The following VAMP7 variants were observed in gnomAD, a reference collection of about 807,000 sequenced individuals.
VAMP7 encodes the protein vesicle-associated membrane protein 7.
In VAMP7, 14 loss-of-function variants were observed where a neutral mutation model predicts 29.6. That is an observed-to-expected ratio of 0.47 (90% CI 0.31 to 0.74). The LOEUF is 0.74. VAMP7 is among the 30% of genes least tolerant of loss of function. The pLI is 0.05. For synonymous variants in VAMP7, 95 were observed against 88.1 expected (o/e 1.08, Z -0.44); for missense variants, 223 against 262.4 (o/e 0.85, Z 1.04).
At chrX:155,922,016 G>T (rs767798489) in intron 6 of VAMP7, among the ~76,000 whole-genome samples, 1 of 152,012 alleles carries the variant, frequency 6.6e-6, no homozygotes, top group South Asian at 2.1e-4. Context: ...TGGTGTACAG[G>T]TCTTGCACAT....
chrX:155,884,479 CA>C (rs1362028542), intron 1 of VAMP7, among the ~76,000 whole-genome samples: 3 of 152,152 alleles, frequency 2.0e-5, no homozygotes, highest in Non-Finnish European at 2.9e-5. Flanking sequence ...ATCATTACTG[CA>C]AAAGACAAAT....
chrX:155,910,523 A>C (rs1182069392), intron 5 of VAMP7, among the ~76,000 whole-genome samples: 1 of 151,672 alleles, frequency 6.6e-6, no homozygotes, highest in African/African-American at 2.4e-5. Context: ...TTTTTGGGGA[A>C]ATCTCCACAC....
rs974391963 is a variant in VAMP7, at chrX:155,900,647, G to A, written c.433+60G>A. The A allele has an allele frequency of 4.8e-6, 7 of 1,445,144 alleles. No individual in the cohort carries two copies. In the African/African-American group the frequency reaches 9.9e-5, roughly 20 times the overall value. 89.5% of individuals were successfully genotyped at this position (1,445,144 alleles called of 1,614,324 possible). A position where few individuals can be genotyped will look rare whatever the true frequency, so the allele number is the denominator to read the frequency against. On this transcript the variant is annotated intron_variant, in intron 5 of 7. Transcript: ENST00000286448. ...AAAAATGATAAAGATTACTTGACTGGGGTCAAATTATTCTAGAGAAGCCAA... is the reference window on the plus strand; with the variant it reads ...AAAAATGATAAAGATTACTTGACTGAGGTCAAATTATTCTAGAGAAGCCAA...
chrX:155,902,143 G>A (rs1438048274), intron 5 of VAMP7, among the ~76,000 whole-genome samples: 5 of 152,070 alleles, frequency 3.3e-5, no homozygotes, highest in African/African-American at 1.2e-4. Flanking sequence ...AACTGTGAAT[G>A]GGAGTTCACT....
intron 1 of VAMP7, among the ~76,000 whole-genome samples, chrX:155,882,741 C>T (rs2065818275): frequency 6.6e-6 from 1 of 152,110 alleles, no homozygotes; most frequent in African/African-American, 2.4e-5. Flanking sequence ...AGTTATCTAC[C>T]ATTTATAGTA....
chrX:155,936,697 C>T (rs1214626136), intron 6 of VAMP7, among the ~76,000 whole-genome samples: 8 of 152,132 alleles, frequency 5.3e-5, no homozygotes, highest in Non-Finnish European at 2.9e-5. Context: ...GTGGGCTGCA[C>T]CCACTGTCCA....
intron 2 of VAMP7, among the ~76,000 whole-genome samples, chrX:155,890,121 C>A (rs1248259438): frequency 6.6e-6 from 1 of 151,800 alleles, no homozygotes; most frequent in Non-Finnish European, 1.5e-5. Flanking sequence ...GTAGAAGGAA[C>A]AGCAGGTAGA....
rs1485732904 is a variant in VAMP7, at chrX:155,941,865, C to T, written c.595-18C>T. On this transcript the variant is annotated intron_variant, in intron 7 of 7. Coordinates refer to ENST00000286448, the MANE Select transcript of VAMP7 (RefSeq NM_005638.6). The stretch of plus-strand genomic sequence containing the variant: ...TGATTGATTCAAGAAAATAAAATTG[C>T]TCTCCTCGTCCCTCCAGGTGTTCAT... 4 of 1,608,952 alleles carry T rather than the reference C, an allele frequency of 2.5e-6. No individual in the cohort carries two copies. Among genetic ancestry groups the T allele is most frequent in the Non-Finnish European group, 3.4e-6 (4 of 1,177,924 alleles).
Position 155,889,546 on chromosome X carries a change from A to C in VAMP7, c.80A>C (p.Glu27Ala). The C allele has an allele frequency of 6.2e-7, 1 of 1,613,882 alleles. No individual in the cohort carries two copies. The highest frequency in any genetic ancestry group is 1.3e-5 in the African/African-American group (1 of 75,004). The stretch of plus-strand genomic sequence containing the variant: ...GCTTGGTGTGGAGGAAACTTCCTGG[A>C]GGTGACAGAGCAGATTCTGGCTAAG... ...KHAWCGGNFL[E>A]VTEQILAKIP... is the part of the protein sequence containing the mutation. Residue 27 changes from glutamate to alanine, a missense_variant, in exon 2 of 8, where the codon GAG (glutamate) becomes GCG (alanine). Physicochemically the swap from Glu to Ala is moderately radical, Grantham distance 107. Coordinates refer to ENST00000286448, the MANE Select transcript of VAMP7 (RefSeq NM_005638.6).
intron 6 of VAMP7, among the ~76,000 whole-genome samples, chrX:155,924,104 G>A (rs896635916): frequency 8.6e-5 from 13 of 151,970 alleles, no homozygotes; most frequent in Middle Eastern, 3.4e-3. Context: ...TTTATTTGCC[G>A]CATCCCTGTC....
At chrX:155,897,835 A>G (rs2066006586) in intron 3 of VAMP7, among the ~76,000 whole-genome samples, 1 of 152,144 alleles carries the variant, frequency 6.6e-6, no homozygotes, top group Non-Finnish European at 1.5e-5. Flanking sequence ...TGATGTCAAG[A>G]AGTTGATAAC....
Position 155,942,680 on chromosome X carries a change from G to A in VAMP7, c.*729G>A, listed in dbSNP as rs1306569246. ...AGAAGATGAAGGTTTAAATATTGTT[G>A]AAAGTTGCAGTTTTTTAAATGTGTT... On this transcript the variant is annotated 3_prime_UTR_variant, in exon 8 of 8. Coordinates refer to ENST00000286448, the MANE Select transcript of VAMP7 (RefSeq NM_005638.6). 1 of 153,368 alleles carries A rather than the reference G, an allele frequency of 6.5e-6. No individual in the cohort carries two copies. Among genetic ancestry groups the A allele is most frequent in the African/African-American group, 2.4e-5 (1 of 41,418 alleles). The allele number at this position is 153,368 out of a possible 1,614,324, so 9.5% of individuals were successfully genotyped here.
rs754759278 is a variant in VAMP7 at position 155,921,614 on chromosome X, G to T, written c.501+1734G>T. ...CAAATCTACCACAATTTGTTTATCC[G>T]TTCTTCTCTGTGGGGCTTTATTTCT... On this transcript the variant is annotated intron_variant, in intron 6 of 7. Transcript: ENST00000286448. Among the ~76,000 whole-genome samples the T allele has an allele frequency of 4.6e-5, 7 of 151,136 alleles. No individual in the cohort carries two copies. The South Asian group carries it at 1.5e-3, about 32-fold the overall frequency.
At chrX:155,910,500 G>A (rs1476588985) in intron 5 of VAMP7, among the ~76,000 whole-genome samples, 1 of 151,328 alleles carries the variant, frequency 6.6e-6, no homozygotes, top group Non-Finnish European at 1.5e-5. Flanking sequence ...TCATATGGTA[G>A]TTTAATTTTT....
chrX:155,894,517 G>A (rs2065963185), intron 2 of VAMP7, among the ~76,000 whole-genome samples: 1 of 151,866 alleles, frequency 6.6e-6, no homozygotes, highest in Non-Finnish European at 1.5e-5. Flanking sequence ...CTAGTCATGT[G>A]AGCCAATTTT....
In VAMP7 at chrX:155,903,205, C is replaced by G. The variant is rs190645651; in HGVS notation, c.433+2618C>G. The stretch of plus-strand genomic sequence containing the variant: ...ATTGTAGTTTGTATTTCTGTGGGAT[C>G]GGTGGTGATATCCCCTTTATCATTT... On this transcript the variant is annotated intron_variant, in intron 5 of 7. Transcript: ENST00000286448. Among the ~76,000 whole-genome samples, 735 of 152,042 alleles carry G rather than the reference C, an allele frequency of 4.8e-3. 48 individuals carry two copies. The East Asian group carries it at 0.13, about 27-fold the overall frequency.
chrX:155,922,879 AG>A (rs1463834717), intron 6 of VAMP7, among the ~76,000 whole-genome samples: 1 of 151,962 alleles, frequency 6.6e-6, no homozygotes, highest in East Asian at 1.9e-4. Context: ...TATACCATCT[AG>A]TCTTTGTTCC....
At chrX:155,909,442 A>AT (rs1395856887) in intron 5 of VAMP7, among the ~76,000 whole-genome samples, 1 of 151,724 alleles carries the variant, frequency 6.6e-6, no homozygotes, top group Non-Finnish European at 1.5e-5. Flanking sequence ...GGTTTCATAG[A>AT]TTTTTTTTCT....
At chrX:155,923,058 A>G (rs1186058913) in intron 6 of VAMP7, among the ~76,000 whole-genome samples, 1 of 151,912 alleles carries the variant, frequency 6.6e-6, no homozygotes, top group East Asian at 1.9e-4. Context: ...CACTTCATGA[A>G]TAGATAAGAA....
Sources: gnomAD v4.1 joint callset for allele counts (sites outside exome capture counted in the v4.1 genomes callset) on GRCh38, gnomAD v4.1.1 for gene constraint, MANE v1.5 for transcripts, NCBI Gene and HGNC (gene_info 2026-07-23, HGNC 2026-07-21) for gene names.